The following KREMEN1 variants were observed in gnomAD, a reference collection of about 807,000 sequenced individuals.
KREMEN1 encodes kremen protein 1.
A neutral mutation model predicts 46.5 loss-of-function variants in KREMEN1; 30 were observed. That is an observed-to-expected ratio of 0.65 (90% CI 0.48 to 0.88). The LOEUF (loss-of-function observed/expected upper bound fraction) is 0.88, where lower values mean the gene tolerates loss of function less well. KREMEN1 is among the 40% of genes least tolerant of loss of function. The probability of loss-of-function intolerance (pLI) is 0.00; values close to 1 mark genes in which losing one functional copy is unlikely to be tolerated. For missense variants in KREMEN1, 533 were observed against 596.9 expected, an observed-to-expected ratio of 0.89 and a Z score of 1.11; for synonymous variants, 214 against 230.6, an observed-to-expected ratio of 0.93 and a Z score of 0.65.
rs2038796143 is a variant in KREMEN1 at position 29,143,149 on chromosome 22, T to C, written c.*1037T>C. ...TGGGTGACAAGAGTGAGACTCTGTCTCAAAAAAACAAAACACAAATAAACA... is the reference window on the plus strand; with the variant it reads ...TGGGTGACAAGAGTGAGACTCTGTCCCAAAAAAACAAAACACAAATAAACA... On this transcript the variant is annotated 3_prime_UTR_variant, in exon 9 of 9. Transcript: ENST00000400335. The C allele has an allele frequency of 2.2e-5, 21 of 973,134 alleles. No individual in the cohort carries two copies. The highest frequency in any genetic ancestry group is 2.4e-5 in the Non-Finnish European group (20 of 819,066). 60.3% of individuals were successfully genotyped at this position (973,134 alleles called of 1,614,324 possible). A position where few individuals can be genotyped will look rare whatever the true frequency, so the allele number is the denominator to read the frequency against.
intron 9 of KREMEN1, among the ~76,000 whole-genome samples, chr22:29,165,838 T>G (rs132314): frequency 0.94 from 143,569 of 152,260 alleles, 67,919 homozygotes; most frequent in African/African-American, 0.98. Flanking sequence ...TAGGGGGACT[T>G]GCATCTTCTC....
rs1360889788 is a variant in KREMEN1 at position 29,145,347 on chromosome 22, G to T, written c.*3235G>T. ...AGGAGAGGCAGGGGAGGGGCTTCGGGGACCACTGTGGACAGAGCTCTGAAA... is the reference window on the plus strand; with the variant it reads ...AGGAGAGGCAGGGGAGGGGCTTCGGTGACCACTGTGGACAGAGCTCTGAAA... On this transcript the variant is annotated 3_prime_UTR_variant, in exon 9 of 9. Transcript: ENST00000400335. 2.0e-6 allele frequency: 2 copies of T among 985,342 alleles called. No homozygotes were observed. The highest frequency in any genetic ancestry group is 3.5e-5 in the African/African-American group (2 of 57,220). 61.0% of individuals were successfully genotyped at this position (985,342 alleles called of 1,614,324 possible).
chr22:29,141,976 G>A lies in KREMEN1; in HGVS notation c.1241G>A (p.Arg414Lys). Reference protein sequence around the residue: ...SHRVPASGDLRDCHQPGTSGE... With the variant: ...SHRVPASGDLKDCHQPGTSGE... The stretch of plus-strand genomic sequence containing the variant: ...CGTGTTCCTGCTTCAGGGGACCTTA[G>A]GGATTGTCATCAACCAGGGACTTCG... The change falls in exon 9 of 9, where the codon AGG becomes AAG. Residue 414 changes from arginine to lysine, a missense_variant. Arg to Lys is a conservative substitution (Grantham distance 26). Coordinates refer to ENST00000400335, the MANE Select transcript of KREMEN1 (RefSeq NM_001039570.3). 2 of 1,611,584 alleles carry A rather than the reference G, an allele frequency of 1.2e-6. No individual in the cohort carries two copies. Among genetic ancestry groups the A allele is most frequent in the Non-Finnish European group, 1.7e-6 (2 of 1,178,994 alleles).
At chr22:29,109,967 A>G (rs1201772944) in intron 3 of KREMEN1, among the ~76,000 whole-genome samples, 1 of 152,246 alleles carries the variant, frequency 6.6e-6, no homozygotes, top group Non-Finnish European at 1.5e-5. Flanking sequence ...CAAGTCAACA[A>G]ACGAGCTTTT....
chr22:29,102,026 A>G (rs1216857321), intron 3 of KREMEN1, among the ~76,000 whole-genome samples: 4 of 152,252 alleles, frequency 2.6e-5, no homozygotes, highest in African/African-American at 9.6e-5. Flanking sequence ...ATTTTAAAAT[A>G]TGCCAGAAGA....
downstream of KREMEN1, chr22:29,146,934 G>C (rs2038874605): frequency 1.8e-5 from 6 of 326,514 alleles, no homozygotes; most frequent in Non-Finnish European, 2.2e-5. Context: ...CTCGCCTTTT[G>C]CTTGCTGTTT....
intron 5 of KREMEN1, among the ~76,000 whole-genome samples, chr22:29,130,452 A>G (rs2038514277): frequency 6.6e-6 from 1 of 152,234 alleles, no homozygotes; most frequent in South Asian, 2.1e-4. Flanking sequence ...TGCATTGACT[A>G]AAAGATACAT....
intron 8 of KREMEN1, 42 bp from the exon 9 acceptor site, chr22:29,141,902 G>A (rs938330921): frequency 3.8e-5 from 56 of 1,474,294 alleles, no homozygotes; most frequent in Non-Finnish European, 4.9e-5. Context: ...GGTTGTTTGC[G>A]TTGTTCTAAT....
intron 5 of KREMEN1, among the ~76,000 whole-genome samples, chr22:29,130,778 C>G (rs929690645): frequency 6.6e-6 from 1 of 152,200 alleles, no homozygotes; most frequent in East Asian, 1.9e-4. Context: ...CAGGAGGACA[C>G]CGGCCCCCTG....
intron 3 of KREMEN1, among the ~76,000 whole-genome samples, chr22:29,109,310 A>G (rs1217356645): frequency 6.6e-6 from 1 of 152,230 alleles, no homozygotes; most frequent in Non-Finnish European, 1.5e-5. Flanking sequence ...CTTTACTGAA[A>G]ATCTTTATAC....
chr22:29,158,118 G>A (rs530556268), intron 9 of KREMEN1, among the ~76,000 whole-genome samples: 2 of 152,226 alleles, frequency 1.3e-5, no homozygotes, highest in Non-Finnish European at 2.9e-5. Flanking sequence ...CCTTGAGATT[G>A]TTGCTCAGCA....
Position 29,137,662 on chromosome 22 carries a change from G to A in KREMEN1, c.952G>A (p.Val318Ile), listed in dbSNP as rs777961429. ...CATCAATCAGGCCCAGGGATTTGCT[G>A]TTTTATACCAAGGTAAGACATCTTT... is the stretch of plus-strand genomic sequence containing the variant. ...DRINQAQGFA[V>I]LYQAVKEELP... The change falls in exon 6 of 9, where the codon GTT becomes ATT. Residue 318 changes from valine to isoleucine, a missense_variant. Physicochemically the swap from Val to Ile is conservative, Grantham distance 29. Coordinates refer to ENST00000400335, the MANE Select transcript of KREMEN1 (RefSeq NM_001039570.3). The A allele has an allele frequency of 5.7e-6, 9 of 1,590,234 alleles. No homozygotes were observed. The highest frequency in any genetic ancestry group is 5.5e-5 in the South Asian group (5 of 90,242).
At chr22:29,108,786 C>T (rs2038099786) in intron 3 of KREMEN1, among the ~76,000 whole-genome samples, 1 of 152,120 alleles carries the variant, frequency 6.6e-6, no homozygotes, top group Non-Finnish European at 1.5e-5. Context: ...CAAGAGGCCC[C>T]ACGTTTGTTT....
rs2037503323 is a variant in KREMEN1 at position 29,073,283 on chromosome 22, A to G, written c.97+56A>G. 1 of 788,978 alleles carries G rather than the reference A, an allele frequency of 1.3e-6. No homozygotes were observed. Among genetic ancestry groups the G allele is most frequent in the Non-Finnish European group, 1.6e-6 (1 of 610,740 alleles). The allele number at this position is 788,978 out of a possible 1,614,324, so 48.9% of individuals were successfully genotyped here. On this transcript the variant is annotated intron_variant, in intron 1 of 8. Transcript: ENST00000400335. This position sits in a 1 kb window ranked among gnomAD's most constrained non-coding sequence, Gnocchi z 4.4. ...CTGAGCGGAGCCCACTCGAGGGGCG[A>G]CAAGGGCCGGCCGGCCTGAGAGCCC...
chr22:29,133,210 T>C (rs956921671), intron 5 of KREMEN1, among the ~76,000 whole-genome samples: 2 of 144,706 alleles, frequency 1.4e-5, no homozygotes, highest in Non-Finnish European at 3.0e-5. Context: ...ATCGCGTCAT[T>C]GCACTCCAGC....
At chr22:29,120,393 G>T (rs1223389614) in intron 3 of KREMEN1, among the ~76,000 whole-genome samples, 129 of 123,258 alleles carry the variant, frequency 1.0e-3, no homozygotes, top group East Asian at 2.9e-3. Flanking sequence ...AATGGAAACA[G>T]GGAGGAGGGA....
At chr22:29,108,279 C>A (rs542202236) in intron 3 of KREMEN1, among the ~76,000 whole-genome samples, 2 of 152,342 alleles carry the variant, frequency 1.3e-5, no homozygotes, top group East Asian at 1.9e-4. Flanking sequence ...GAGAGTGAAA[C>A]CCTGTCTCAA....
chr22:29,089,737 C>A (rs1569314143), intron 1 of KREMEN1, among the ~76,000 whole-genome samples: 1 of 152,210 alleles, frequency 6.6e-6, no homozygotes, highest in Non-Finnish European at 1.5e-5. Flanking sequence ...CCTTGCCTGC[C>A]CTTCCCTGCT....
At chr22:29,141,785 C>T (rs1479945482) in intron 8 of KREMEN1, among the ~76,000 whole-genome samples, 159 bp from the exon 9 acceptor site, 1 of 152,198 alleles carries the variant, frequency 6.6e-6, no homozygotes, top group Admixed American at 6.5e-5. Flanking sequence ...CCACAGGCCA[C>T]ATTTCAGTTG....
Sources: gnomAD v4.1 joint callset for allele counts (sites outside exome capture counted in the v4.1 genomes callset) on GRCh38, gnomAD v4.1.1 for gene constraint, Gnocchi (gnomAD v3.1) non-coding constraint, MANE v1.5 for transcripts, NCBI Gene and HGNC (gene_info 2026-07-23, HGNC 2026-07-21) for gene names.